COL22A1: variants seen among roughly 807,000 people sequenced by gnomAD.
COL22A1 encodes the protein collagen type XXII alpha 1 chain.
COL22A1 carries 221 observed loss-of-function variants against 248.9 expected under a neutral mutation model. That is an observed-to-expected ratio of 0.89 (90% CI 0.80 to 0.99). COL22A1 has a LOEUF of 0.99. COL22A1 is among the 50% of genes least tolerant of loss of function. COL22A1 has a pLI of 0.00. For missense variants in COL22A1, 2,240 were observed against 2,179.0 expected, an observed-to-expected ratio of 1.03 and a Z score of -0.56; for synonymous variants, 891 against 793.4, an observed-to-expected ratio of 1.12 and a Z score of -2.07.
At chr8:138,881,654 C>A (rs1824223656) in intron 2 of COL22A1, among the ~76,000 whole-genome samples, 1 of 152,234 alleles carries the variant, frequency 6.6e-6, no homozygotes, top group African/African-American at 2.4e-5. Flanking sequence ...CGCTGCACTC[C>A]AGCCTGGGCG....
intron 60 of COL22A1, among the ~76,000 whole-genome samples, chr8:138,601,571 C>T (rs1818014441): frequency 6.6e-6 from 1 of 152,074 alleles, no homozygotes; most frequent in Admixed American, 6.5e-5. Context: ...TGTGAGAACG[C>T]GTCCGCCTTC....
intron 3 of COL22A1, among the ~76,000 whole-genome samples, chr8:138,860,605 C>T (rs1449071708): frequency 6.6e-6 from 1 of 152,184 alleles, no homozygotes; most frequent in African/African-American, 2.4e-5. Context: ...CCCAGAAGTT[C>T]AAGACCAGCC....
Position 138,766,499 on chromosome 8 carries a change from CAGAG to C in COL22A1, c.1804-4037_1804-4034del, listed in dbSNP as rs142588161. Among the ~76,000 whole-genome samples, 1,065 of 151,662 alleles carry C rather than the reference CAGAG, an allele frequency of 7.0e-3. 18 individuals are homozygous for C. The highest frequency in any genetic ancestry group is 0.023 in the African/African-American group (967 of 41,296). On this transcript the variant is annotated intron_variant, in intron 16 of 64. Coordinates refer to ENST00000303045, the MANE Select transcript of COL22A1 (RefSeq NM_152888.3). ...AGAGACAGAGACAGATACAGAGACA[CAGAG>C]AGAGAGACTCAGTAACAGAAAAACA...
rs561501406 is a variant in COL22A1, at chr8:138,714,676, T to C, written c.2517+1006A>G. Among the ~76,000 whole-genome samples, 108 of 152,336 alleles carry C rather than the reference T, an allele frequency of 7.1e-4. 1 individual carries two copies. Among genetic ancestry groups the C allele is most frequent in the Non-Finnish European group, 9.4e-4 (64 of 68,030 alleles). On this transcript the variant is annotated intron_variant, in intron 30 of 64. Coordinates refer to ENST00000303045, the MANE Select transcript of COL22A1 (RefSeq NM_152888.3). ...TTGAATTCTCTTCCACTGTCCATTT[T>C]GATTGTGCTGCTCCTGATGGACATG...
At chr8:138,875,370 C>T (rs1433601533) in intron 3 of COL22A1, among the ~76,000 whole-genome samples, 1 of 152,084 alleles carries the variant, frequency 6.6e-6, no homozygotes, top group Non-Finnish European at 1.5e-5. Context: ...TCAGAGCCAT[C>T]CCTGGGCATG....
chr8:138,611,560 T>C (rs767880395), intron 56 of COL22A1, among the ~76,000 whole-genome samples: 9 of 152,202 alleles, frequency 5.9e-5, no homozygotes, highest in African/African-American at 1.9e-4. Context: ...TTTTTCCTAA[T>C]CTCTCCGTAT....
At chr8:138,672,093 T>C (rs1234798682) in intron 41 of COL22A1, among the ~76,000 whole-genome samples, 1 of 152,202 alleles carries the variant, frequency 6.6e-6, no homozygotes, top group Non-Finnish European at 1.5e-5. Context: ...ATGGTACCCC[T>C]GCTGGAAGAG....
intron 3 of COL22A1, among the ~76,000 whole-genome samples, chr8:138,845,406 G>A (rs1159689467): frequency 3.9e-5 from 6 of 152,186 alleles, no homozygotes; most frequent in South Asian, 4.2e-4. Context: ...CTACTCAGGA[G>A]GCTGAGGCAG....
chr8:138,621,619 C>A (rs553833968), intron 52 of COL22A1, among the ~76,000 whole-genome samples: 3 of 152,332 alleles, frequency 2.0e-5, no homozygotes, highest in African/African-American at 7.2e-5. Context: ...GGTCAGCCTG[C>A]AGGAGTGTGA....
rs758971801 is a variant in COL22A1 at position 138,649,681 on chromosome 8, C to A, written c.3431G>T (p.Gly1144Val). Residue 1144 changes from glycine to valine, a missense_variant, in exon 46 of 65, where the codon GGC becomes GTC. Gly to Val is a moderately radical substitution (Grantham distance 109). Transcript: ENST00000303045. ...TCTCCTTACCTTTTTCCCTTCTGTG[C>A]CTTCTCTCCCTGGCTTTCCTGGGAC... ...KGVPGKPGRE[G>V]TEGKKGEAGP... is the part of the protein sequence containing the mutation. 2.5e-6 allele frequency: 4 copies of A among 1,613,112 alleles called. No homozygotes were observed. Among genetic ancestry groups the A allele is most frequent in the Non-Finnish European group, 3.4e-6 (4 of 1,179,622 alleles).
Position 138,598,740 on chromosome 8 carries a change from C to G in COL22A1, c.4344G>C (p.Gln1448His). 1 of 1,613,736 alleles carries G rather than the reference C, an allele frequency of 6.2e-7. No homozygotes were observed. The change falls in exon 61 of 65, where the codon CAG (glutamine) becomes CAC (histidine). Residue 1448 changes from glutamine to histidine, a missense_variant. By Grantham distance (24) the Gln-to-His change is conservative. Coordinates refer to ENST00000303045, the MANE Select transcript of COL22A1 (RefSeq NM_152888.3). ...GPVGPPGPPG[Q>H]PGFPGLRGES... ...TTACCCTCAGTCCTGGAAATCCCGG[C>G]TGGCCTGGAGGCCCTGGGGGTCCAA...
chr8:138,843,482 T>C (rs1212614354), intron 4 of COL22A1, among the ~76,000 whole-genome samples: 2 of 152,170 alleles, frequency 1.3e-5, no homozygotes, highest in Admixed American at 6.5e-5. Flanking sequence ...CTTTGCCATA[T>C]GTATTTAAAG....
chr8:138,853,590 G>A (rs1821797364), intron 3 of COL22A1, among the ~76,000 whole-genome samples: 1 of 152,142 alleles, frequency 6.6e-6, no homozygotes, highest in Admixed American at 6.5e-5. Context: ...AGAGCATGTG[G>A]ACTGATTGTT....
intron 41 of COL22A1, among the ~76,000 whole-genome samples, chr8:138,672,103 G>A (rs938718202): frequency 1.3e-5 from 2 of 152,190 alleles, no homozygotes; most frequent in African/African-American, 4.8e-5. Flanking sequence ...TGCTGGAAGA[G>A]TGGTTAAGGG....
At chr8:138,831,951 A>G (rs59757202) in intron 5 of COL22A1, among the ~76,000 whole-genome samples, 81,288 of 151,946 alleles carry the variant, frequency 0.53, 22,677 homozygotes, top group East Asian at 0.67. Flanking sequence ...CTAAGTCACA[A>G]GATGAGGTAG....
At chr8:138,791,106 A>G (rs536613698) in intron 12 of COL22A1, among the ~76,000 whole-genome samples, 2 of 152,326 alleles carry the variant, frequency 1.3e-5, no homozygotes, top group African/African-American at 4.8e-5. Flanking sequence ...TGGGCATAAC[A>G]ATAATGATGT....
intron 18 of COL22A1, among the ~76,000 whole-genome samples, chr8:138,757,344 C>T (rs35756813): frequency 0.17 from 25,310 of 151,948 alleles, 2,942 homozygotes; most frequent in Non-Finnish European, 0.25. Context: ...AGAGAGAGAA[C>T]GGCTGAATAA....
chr8:138,621,577 T>A (rs769206100), intron 52 of COL22A1, among the ~76,000 whole-genome samples: 3 of 152,140 alleles, frequency 2.0e-5, no homozygotes, highest in Non-Finnish European at 4.4e-5. Context: ...TGCAGAAAGG[T>A]CAATGCACTG....
At position 138,781,119 on chromosome 8, in the gene COL22A1, TG is replaced by T. The variant is rs1308041468; in HGVS notation, c.1597-140del. The T allele has an allele frequency of 9.1e-6, 6 of 661,140 alleles. No homozygotes were observed. In the Admixed American group the frequency reaches 1.6e-4, roughly 17 times the overall value. The allele number at this position is 661,140 out of a possible 1,614,324, so 41.0% of individuals were successfully genotyped here. ...CTGCTCAAAAATTGATCCACAAGCCTGCAGCATAGGCATCACTTGGGAGAGT... is the reference window on the plus strand; with the variant it reads ...CTGCTCAAAAATTGATCCACAAGCCTCAGCATAGGCATCACTTGGGAGAGT... On this transcript the variant is annotated intron_variant, in intron 12 of 64. Coordinates refer to ENST00000303045, the MANE Select transcript of COL22A1 (RefSeq NM_152888.3).
Sources: gnomAD v4.1 joint callset for allele counts (sites outside exome capture counted in the v4.1 genomes callset) on GRCh38, gnomAD v4.1.1 for gene constraint, MANE v1.5 for transcripts, NCBI Gene and HGNC (gene_info 2026-07-23, HGNC 2026-07-21) for gene names.